The following P2RX5 variants were observed in gnomAD, a reference collection of about 807,000 sequenced individuals.
The protein encoded by P2RX5 is P2X purinoceptor 5.
P2RX5 carries 46 observed loss-of-function variants against 54.1 expected under a neutral mutation model. The observed-to-expected ratio is 0.85, with a 90% CI of 0.67 to 1.09. The LOEUF (loss-of-function observed/expected upper bound fraction) is 1.09, where lower values mean the gene tolerates loss of function less well. Ranked by LOEUF, P2RX5 falls within the 50% of genes least tolerant of loss-of-function variation. The pLI is 0.00. For missense variants in P2RX5, 566 were observed against 549.8 expected (o/e 1.03, Z -0.29); for synonymous variants, 226 against 226.4 (o/e 1.00, Z 0.02).
intron 10 of P2RX5, among the ~76,000 whole-genome samples, chr17:3,680,511 ATCCTCCACCCTGCGTCCTCCACCCAGCG>A (rs2050234279): frequency 1.3e-5 from 1 of 74,676 alleles, no homozygotes; most frequent in Non-Finnish European, 2.5e-5. Flanking sequence ...TCCACCCTGC[ATCCTCCACCCTGCGTCCTCCACCCAGCG>A]TCCTCCACCC....
chr17:3,688,030 G>T lies in P2RX5; in HGVS notation c.963C>A (p.Asp321Glu). ...TLMKAYGIRF[D>E]VMVNGKGAFF... ...CACGCACCTTGCCGTTCACCATCAC[G>T]TCAAAGCGGATCCCGTAGGCTTTCA... Residue 321 changes from aspartate to glutamate, a missense_variant, in exon 9 of 12, where the codon GAC becomes GAA. By Grantham distance (45) the Asp-to-Glu change is conservative. Coordinates refer to ENST00000225328, the MANE Select transcript of P2RX5 (RefSeq NM_002561.4). The T allele has an allele frequency of 6.3e-7, 1 of 1,583,914 alleles. No homozygotes were observed. Among genetic ancestry groups the T allele is most frequent in the Non-Finnish European group, 8.6e-7 (1 of 1,163,664 alleles).
At chr17:3,707,081 C>T in the P2RX5 span, among the ~76,000 whole-genome samples, 1 of 152,086 alleles carries the variant, frequency 6.6e-6, no homozygotes, top group Non-Finnish European at 1.5e-5. Context: ...TTTTTAAAAA[C>T]ATTCTGATTG....
At chr17:3,693,776 G>T (rs1187653531) in intron 1 of P2RX5, among the ~76,000 whole-genome samples, 1 of 150,918 alleles carries the variant, frequency 6.6e-6, no homozygotes, top group Non-Finnish European at 1.5e-5. Flanking sequence ...TTGAAAAATT[G>T]AAAACATGTT....
At chr17:3,702,296 C>T in the P2RX5 span, among the ~76,000 whole-genome samples, 1 of 144,634 alleles carries the variant, frequency 6.9e-6, no homozygotes, top group Non-Finnish European at 1.6e-5. Context: ...CACCAATCAG[C>T]ATTCTATGTC....
chr17:3,715,107 C>A, the P2RX5 span, among the ~76,000 whole-genome samples: 1 of 152,198 alleles, frequency 6.6e-6, no homozygotes, highest in African/African-American at 2.4e-5. Flanking sequence ...AGAGTCCAAT[C>A]CTTCAAGACC....
In P2RX5 at chr17:3,691,021, T is replaced by A. The variant is rs370023355; in HGVS notation, c.295A>T (p.Asn99Tyr). The A allele has an allele frequency of 1.3e-5, 21 of 1,612,144 alleles. No homozygotes were observed. The South Asian group carries it at 2.2e-4, about 17-fold the overall frequency. ...AGGTTGGTGACCACAAAAAAGACGT[T>A]CTCTCCCTAAGGAACCAGAGAGGCA... ...ADYVIPAQGE[N>Y]VFFVVTNLIV... is the part of the protein sequence containing the mutation. The change falls in exon 3 of 12, where the codon AAC (asparagine) becomes TAC (tyrosine). Residue 99 changes from asparagine to tyrosine, a missense_variant. Transcript: ENST00000225328.
rs760261633 is a variant in P2RX5 at position 3,689,521 on chromosome 17, C to T, written c.724G>A (p.Gly242Arg). 1.4e-5 allele frequency: 22 copies of T among 1,614,054 alleles called. No individual in the cohort carries two copies. The highest frequency in any genetic ancestry group is 4.5e-5 in the East Asian group (2 of 44,896). ...AGGGCTATATCCTGGAAGTCGCTCC[C>T]GGCCCAGCGGATCACGGAGCCCAGT... ...FRLGSVIRWAGSDFQDIALEG... is the reference protein window; with the variant it reads ...FRLGSVIRWARSDFQDIALEG... Residue 242 changes from glycine to arginine, a missense_variant, in exon 7 of 12, where the codon GGG becomes AGG. Coordinates refer to ENST00000225328, the MANE Select transcript of P2RX5 (RefSeq NM_002561.4).
chr17:3,688,111 G>A lies in P2RX5; in HGVS notation c.888-6C>T, dbSNP rs1163484860. ...CTCGGTAATATCTGGCAAATCTGAGGGAGACAGGGCCCAGGGGAGGCCTCA... is the reference window on the plus strand; with the variant it reads ...CTCGGTAATATCTGGCAAATCTGAGAGAGACAGGGCCCAGGGGAGGCCTCA... On this transcript the variant is annotated splice_polypyrimidine_tract_variant and splice_region_variant and intron_variant, in intron 8 of 11. Coordinates refer to ENST00000225328, the MANE Select transcript of P2RX5 (RefSeq NM_002561.4). The A allele has an allele frequency of 1.9e-6, 3 of 1,560,356 alleles. No individual in the cohort carries two copies. The highest frequency in any genetic ancestry group is 2.6e-6 in the Non-Finnish European group (3 of 1,137,700).
chr17:3,684,732 G>A (rs1265554030), intron 9 of P2RX5, among the ~76,000 whole-genome samples: 4 of 152,050 alleles, frequency 2.6e-5, no homozygotes, highest in African/African-American at 9.7e-5. Context: ...GAATGTTTAA[G>A]GGCATGTCCA....
chr17:3,690,801 C>A, intron 3 of P2RX5, 121 bp from the exon 4 acceptor site: 1 of 1,187,628 alleles, frequency 8.4e-7, no homozygotes, highest in Non-Finnish European at 1.2e-6. Context: ...TGAGAACCTA[C>A]TTCTCCCCCA....
At chr17:3,683,480 C>G (rs187833819) in intron 9 of P2RX5, among the ~76,000 whole-genome samples, 99 of 152,348 alleles carry the variant, frequency 6.5e-4, no homozygotes, top group African/African-American at 2.4e-3. Context: ...CGCCTGTGAT[C>G]CCAGCACTGG....
chr17:3,673,484 G>T lies in P2RX5; in HGVS notation c.*384C>A, dbSNP rs1247469544. On this transcript the variant is annotated 3_prime_UTR_variant, in exon 12 of 12. Transcript: ENST00000225328. ...CCAAATGGAGCCCTTTTCCGGACAC[G>T]CACAATGCTATTCCCAGTGAGGTAA... 7 of 1,141,588 alleles carry T rather than the reference G, an allele frequency of 6.1e-6. No homozygotes were observed. The African/African-American group carries it at 1.1e-4, about 18-fold the overall frequency. The allele number at this position is 1,141,588 out of a possible 1,614,324, so 70.7% of individuals were successfully genotyped here.
intron 11 of P2RX5, chr17:3,678,197 G>T: frequency 1.4e-6 from 1 of 693,980 alleles, no homozygotes; most frequent in Non-Finnish European, 1.8e-6. Flanking sequence ...CGGTGGGTGG[G>T]CCAGCCTCAC....
chr17:3,709,797 T>G, the P2RX5 span, among the ~76,000 whole-genome samples: 1 of 152,050 alleles, frequency 6.6e-6, no homozygotes, highest in Non-Finnish European at 1.5e-5. Context: ...TAGTTCCAGC[T>G]ACTCGGGGGG....
the P2RX5 span, among the ~76,000 whole-genome samples, chr17:3,711,413 C>T: frequency 6.3e-5 from 6 of 95,302 alleles, no homozygotes; most frequent in East Asian, 7.6e-4. Flanking sequence ...GACGGAGTCT[C>T]GCTCTGTCAC....
chr17:3,716,232 G>A, the P2RX5 span, among the ~76,000 whole-genome samples: 1,241 of 151,204 alleles, frequency 8.2e-3, 13 homozygotes, highest in African/African-American at 0.028. Flanking sequence ...ACAGAGAGGA[G>A]AGGATCTTAA....
chr17:3,719,048 A>G, the P2RX5 span, among the ~76,000 whole-genome samples: 4 of 151,976 alleles, frequency 2.6e-5, no homozygotes, highest in African/African-American at 7.3e-5. Context: ...CCTGGCCAAC[A>G]TGGTGAAATC....
At chr17:3,698,793 A>G (rs962006215), upstream of P2RX5, among the ~76,000 whole-genome samples, 5 of 152,070 alleles carry the variant, frequency 3.3e-5, no homozygotes, top group Admixed American at 6.6e-5. Flanking sequence ...TAGAGGGGAC[A>G]GGGCTCTCGG....
the P2RX5 span, chr17:3,723,584 G>A: frequency 1.5e-5 from 19 of 1,251,270 alleles, no homozygotes; most frequent in South Asian, 2.0e-4. Context: ...GCAGCCCCCG[G>A]CACTGGCCGG....
Sources: gnomAD v4.1 joint callset for allele counts (sites outside exome capture counted in the v4.1 genomes callset) on GRCh38, gnomAD v4.1.1 for gene constraint, MANE v1.5 for transcripts, NCBI Gene and HGNC (gene_info 2026-07-23, HGNC 2026-07-21) for gene names.